RBFOX1: variants seen among roughly 807,000 people sequenced by gnomAD.
RBFOX1 encodes RNA binding protein fox-1 homolog 1.
In RBFOX1, 8 loss-of-function variants were observed where a neutral mutation model predicts 57.7. The ratio of observed to expected loss-of-function variants is 0.14; its 90% CI spans 0.08 to 0.25. RBFOX1 has a LOEUF of 0.25. Among genes scored for constraint, RBFOX1 ranks in the 10% least tolerant of loss-of-function variants. The pLI is 1.00. For synonymous variants in RBFOX1, 326 were observed against 222.4 expected (o/e 1.47, Z -4.15); for missense variants, 611 against 548.5 (o/e 1.11, Z -1.14).
chr16:6,895,444 G>GTATATACATATA (rs1341028814), intron 3 of RBFOX1, among the ~76,000 whole-genome samples: 3 of 73,474 alleles, frequency 4.1e-5, no homozygotes, highest in Admixed American at 1.4e-4. Context: ...GTGTGTGTGT[G>GTATATACATATA]TGTGTATATA....
At chr16:6,351,574 A>G (rs1374624241) in intron 2 of RBFOX1, among the ~76,000 whole-genome samples, 3 of 151,470 alleles carry the variant, frequency 2.0e-5, no homozygotes, top group African/African-American at 4.9e-5. Context: ...GGGTTTCACT[A>G]TTTTGGCCAG....
intron 3 of RBFOX1, among the ~76,000 whole-genome samples, chr16:6,772,933 T>A (rs1424066369): frequency 6.8e-6 from 1 of 147,108 alleles, no homozygotes; most frequent in African/African-American, 2.5e-5. Flanking sequence ...TACATTTGTG[T>A]GTGTGTGTGT....
At chr16:7,028,123 C>T (rs1447388301) in intron 3 of RBFOX1, among the ~76,000 whole-genome samples, 1 of 152,082 alleles carries the variant, frequency 6.6e-6, no homozygotes, top group Admixed American at 6.5e-5. Flanking sequence ...TGCCTAGAAG[C>T]CTGCAGAAAT....
chr16:7,239,397 T>A (rs2093942412), intron 4 of RBFOX1, among the ~76,000 whole-genome samples: 1 of 151,860 alleles, frequency 6.6e-6, no homozygotes, highest in Admixed American at 6.6e-5. Flanking sequence ...TACTTGGGAG[T>A]CTAAGGCACC....
intron 2 of RBFOX1, among the ~76,000 whole-genome samples, chr16:6,634,774 A>AATATACAAATATATACATATATTTGTATT (rs2098418231): frequency 7.4e-6 from 1 of 134,312 alleles, no homozygotes; most frequent in East Asian, 2.0e-4. Flanking sequence ...ATTTGTACTA[A>AATATACAAATATATACATATATTTGTATT]ATATATAATA....
intron 4 of RBFOX1, among the ~76,000 whole-genome samples, chr16:7,447,558 CCTT>C (rs2098818748): frequency 6.6e-6 from 1 of 152,106 alleles, no homozygotes; most frequent in Non-Finnish European, 1.5e-5. Flanking sequence ...AGCCCAGTCA[CCTT>C]CTCATTATCC....
chr16:7,189,149 G>A (rs1421879650), intron 4 of RBFOX1, among the ~76,000 whole-genome samples: 1 of 151,908 alleles, frequency 6.6e-6, no homozygotes, highest in Non-Finnish European at 1.5e-5. Flanking sequence ...CTCAGGGCTG[G>A]GCACGGTGGC....
intron 2 of RBFOX1, among the ~76,000 whole-genome samples, chr16:6,466,532 A>G (rs555791645): frequency 6.6e-4 from 100 of 152,284 alleles, no homozygotes; most frequent in African/African-American, 2.2e-3. Flanking sequence ...TTAGATATGT[A>G]TGAATTCAAT....
intron 4 of RBFOX1, among the ~76,000 whole-genome samples, chr16:7,437,252 C>T (rs199699909): frequency 1.7e-5 from 1 of 57,890 alleles, no homozygotes; most frequent in East Asian, 3.0e-4. Flanking sequence ...TTATCTTTGC[C>T]CCCCCCCCCT....
At position 6,640,633 on chromosome 16, in the gene RBFOX1, A is replaced by AAATAAATAAATAAATG. The variant is rs779241783; in HGVS notation, c.-63-13966_-63-13965insAATAAATAAATGAATA. ...CAAATAAATAAATAAATAAATAAAT[A>AAATAAATAAATAAATG]AATACTACTTTATAGAGCCAGTGTG... On this transcript the variant is annotated intron_variant, in intron 2 of 15. Coordinates refer to ENST00000550418, the MANE Select transcript of RBFOX1 (RefSeq NM_018723.4). Among the ~76,000 whole-genome samples, 112 of 152,038 alleles carry AAATAAATAAATAAATG rather than the reference A, an allele frequency of 7.4e-4. 7 individuals are homozygous for AAATAAATAAATAAATG. Among genetic ancestry groups the AAATAAATAAATAAATG allele is most frequent in the African/African-American group, 2.4e-3 (100 of 41,376 alleles).
chr16:6,973,001 G>C (rs191688618), intron 3 of RBFOX1, among the ~76,000 whole-genome samples: 5 of 152,190 alleles, frequency 3.3e-5, no homozygotes, highest in African/African-American at 1.2e-4. Flanking sequence ...CACGGTGGTA[G>C]GCACCTGTAA....
At chr16:7,509,503 C>G (rs1490497063) in intron 4 of RBFOX1, among the ~76,000 whole-genome samples, 1 of 150,066 alleles carries the variant, frequency 6.7e-6, no homozygotes, top group Non-Finnish European at 1.5e-5. Context: ...TATGGTGAAG[C>G]TACTCATCAT....
intron 3 of RBFOX1, among the ~76,000 whole-genome samples, chr16:6,967,936 G>T (rs1051396515): frequency 6.6e-6 from 1 of 152,122 alleles, no homozygotes; most frequent in Non-Finnish European, 1.5e-5. Flanking sequence ...CAGCTGCCCC[G>T]GGTGCCAGAA....
At chr16:7,056,699 A>G (rs892410211) in intron 4 of RBFOX1, among the ~76,000 whole-genome samples, 2 of 152,260 alleles carry the variant, frequency 1.3e-5, no homozygotes, top group African/African-American at 4.8e-5. Context: ...AAAATATTTG[A>G]TTACAAAGGG....
intron 3 of RBFOX1, among the ~76,000 whole-genome samples, chr16:6,808,026 C>A (rs548690518): frequency 6.7e-6 from 1 of 148,866 alleles, no homozygotes; most frequent in Non-Finnish European, 1.5e-5. Context: ...GCAAATTATA[C>A]CTTGTGTATA....
chr16:6,564,253 A>G (rs1052881779), intron 2 of RBFOX1, among the ~76,000 whole-genome samples: 1 of 152,204 alleles, frequency 6.6e-6, no homozygotes, highest in Non-Finnish European at 1.5e-5. Flanking sequence ...CATCATGTAC[A>G]TATGGAACAT....
At chr16:7,098,975 G>A (rs1295082646) in intron 4 of RBFOX1, among the ~76,000 whole-genome samples, 1 of 152,038 alleles carries the variant, frequency 6.6e-6, no homozygotes, top group Admixed American at 6.6e-5. Flanking sequence ...ATAGCCATTG[G>A]TCTTTTTGAT....
chr16:6,763,395 T>A (rs1353727993), intron 3 of RBFOX1, among the ~76,000 whole-genome samples: 1 of 152,206 alleles, frequency 6.6e-6, no homozygotes, highest in Admixed American at 6.5e-5. Context: ...ATCAGTATTG[T>A]TTGGCACAAC....
rs146660980 is a variant in RBFOX1 at position 6,757,566 on chromosome 16, T to C, written c.-16+102916T>C. 5.8e-3 allele frequency among the ~76,000 whole-genome samples: 878 copies of C among 152,234 alleles called. 6 individuals carry two copies. Among genetic ancestry groups the C allele is most frequent in the Non-Finnish European group, 8.9e-3 (606 of 67,996 alleles). The stretch of plus-strand genomic sequence containing the variant: ...TGAGCACAGAAAGACAAATATGACA[T>C]GTTCTCATTCATATGTGGGAGCTAA... On this transcript the variant is annotated intron_variant, in intron 3 of 15. Coordinates refer to ENST00000550418, the MANE Select transcript of RBFOX1 (RefSeq NM_018723.4).
Sources: allele counts gnomAD v4.1 joint callset (sites outside exome capture counted in the v4.1 genomes callset), GRCh38; gene constraint gnomAD v4.1.1; transcripts MANE v1.5; gene names NCBI Gene and HGNC (gene_info 2026-07-23, HGNC 2026-07-21).